The following DNAH12 variants were observed in gnomAD, a reference collection of about 807,000 sequenced individuals.
DNAH12 encodes the protein axonemal beta dynein heavy chain 12.
Under a neutral mutation model 371.5 loss-of-function variants are expected in DNAH12, and 285 were observed. That is an observed-to-expected ratio of 0.77 (90% confidence interval 0.70 to 0.85). The LOEUF is 0.85. Ranked by LOEUF, DNAH12 falls within the 40% of genes least tolerant of loss-of-function variation. The pLI, the probability that DNAH12 is intolerant of heterozygous loss-of-function variation, is 0.00. For missense variants in DNAH12, 3,611 were observed against 3,689.4 expected (o/e 0.98, Z 0.55); for synonymous variants, 1,200 against 1,213.0 (o/e 0.99, Z 0.22).
intron 29 of DNAH12, among the ~76,000 whole-genome samples, chr3:57,442,246 A>G (rs2065331015): frequency 6.6e-6 from 1 of 151,766 alleles, no homozygotes; most frequent in South Asian, 2.1e-4. Context: ...TATCTGCTGG[A>G]AAGAATAAAA....
chr3:57,480,954 G>A (rs2066721548), intron 13 of DNAH12, among the ~76,000 whole-genome samples: 1 of 152,112 alleles, frequency 6.6e-6, no homozygotes, highest in South Asian at 2.1e-4. Flanking sequence ...CAAACCCACA[G>A]CCAATATCAT....
chr3:57,361,376 C>T (rs1411106882), intron 58 of DNAH12, among the ~76,000 whole-genome samples: 1 of 148,460 alleles, frequency 6.7e-6, no homozygotes, highest in East Asian at 2.0e-4. Flanking sequence ...TATATATACA[C>T]ACACTTATAT....
intron 42 of DNAH12, among the ~76,000 whole-genome samples, chr3:57,403,752 A>G (rs184439822): frequency 1.3e-5 from 2 of 152,318 alleles, no homozygotes; most frequent in Non-Finnish European, 2.9e-5. Flanking sequence ...ATACAAATAA[A>G]ATGAAATATT....
intron 4 of DNAH12, among the ~76,000 whole-genome samples, chr3:57,515,139 G>C (rs901597624): frequency 6.6e-6 from 1 of 152,066 alleles, no homozygotes; most frequent in Non-Finnish European, 1.5e-5. Flanking sequence ...GAGAGAGAGA[G>C]AGAGAAATAA....
At chr3:57,519,508 A>G (rs1440782751) in intron 4 of DNAH12, among the ~76,000 whole-genome samples, 1 of 152,196 alleles carries the variant, frequency 6.6e-6, no homozygotes, top group African/African-American at 2.4e-5. Context: ...AAAACTGACA[A>G]AATGCTAAAC....
At chr3:57,430,245 A>G (rs150613417) in intron 32 of DNAH12, among the ~76,000 whole-genome samples, 3,560 of 152,296 alleles carry the variant, frequency 0.023, 64 homozygotes, top group Non-Finnish European at 0.034. Context: ...TTTTTAAAAA[A>G]ACAGTTTAAA....
intron 62 of DNAH12, among the ~76,000 whole-genome samples, chr3:57,324,282 C>T (rs1559553799): frequency 1.3e-5 from 2 of 152,004 alleles, no homozygotes; most frequent in African/African-American, 4.8e-5. Flanking sequence ...ACTTTAGGTC[C>T]CTTTGTTACA....
chr3:57,295,258 C>G (rs1268677352), intron 73 of DNAH12, among the ~76,000 whole-genome samples: 1 of 152,056 alleles, frequency 6.6e-6, no homozygotes, highest in Non-Finnish European at 1.5e-5. Context: ...TCTGTGAACC[C>G]CCTTGTAGAA....
rs553361444 is a variant in DNAH12, at chr3:57,478,272, C to T, written c.1650+5104G>A. On this transcript the variant is annotated intron_variant, in intron 13 of 73. Coordinates refer to ENST00000495027, the MANE Select transcript of DNAH12 (RefSeq NM_001366028.2). The stretch of plus-strand genomic sequence containing the variant: ...AAACCAAGGCACAAGAACTACGTGA[C>T]GAATCCACAAGCCTCAGTAGCCGAT... Among the ~76,000 whole-genome samples the T allele has an allele frequency of 1.2e-3, 190 of 152,142 alleles. 1 individual carries two copies. The highest frequency in any genetic ancestry group is 4.0e-3 in the African/African-American group (166 of 41,494).
Position 57,322,330 on chromosome 3 carries a change from A to G in DNAH12, c.10524+13T>C, listed in dbSNP as rs952112808. The G allele has an allele frequency of 6.5e-7, 1 of 1,540,544 alleles. No homozygotes were observed. The highest frequency in any genetic ancestry group is 1.2e-5 in the South Asian group (1 of 81,870). On this transcript the variant is annotated intron_variant, in intron 65 of 73. Transcript: ENST00000495027. ...TAAAACACATTTTAAAAGTTCCAAA[A>G]GATGAATATTACCAGTTCCTTTCCA...
intron 3 of DNAH12, 37 bp downstream of exon 3, chr3:57,523,766 T>C (rs1015986794): frequency 6.5e-7 from 1 of 1,546,158 alleles, no homozygotes; most frequent in African/African-American, 1.4e-5. Flanking sequence ...TAAAATGATA[T>C]AAGGATAAAC....
At chr3:57,360,364 C>A (rs2062897955) in intron 58 of DNAH12, among the ~76,000 whole-genome samples, 1 of 152,052 alleles carries the variant, frequency 6.6e-6, no homozygotes, top group African/African-American at 2.4e-5. Flanking sequence ...ATAAATCTAT[C>A]CAAAAGGGAA....
At chr3:57,305,068 G>T (rs1482309092) in intron 69 of DNAH12, among the ~76,000 whole-genome samples, 1 of 151,980 alleles carries the variant, frequency 6.6e-6, no homozygotes, top group Non-Finnish European at 1.5e-5. Context: ...ATACAAACTC[G>T]ACAGTGGTTC....
chr3:57,341,133 C>T (rs912933399), intron 60 of DNAH12, among the ~76,000 whole-genome samples: 1 of 150,958 alleles, frequency 6.6e-6, no homozygotes, highest in African/African-American at 2.4e-5. Flanking sequence ...TACCTCAACA[C>T]AATAAAGGCT....
chr3:57,521,503 A>T (rs1487985672), intron 4 of DNAH12, among the ~76,000 whole-genome samples: 2 of 152,190 alleles, frequency 1.3e-5, no homozygotes, highest in African/African-American at 2.4e-5. Context: ...GTCTCTAAAA[A>T]AAAAGAAAAA....
At chr3:57,365,878 T>A (rs991586421) in intron 57 of DNAH12, among the ~76,000 whole-genome samples, 20 of 151,488 alleles carry the variant, frequency 1.3e-4, no homozygotes, top group South Asian at 4.2e-4. Context: ...TATATATATA[T>A]AAATGTATTT....
chr3:57,297,310 A>T (rs2107643048), intron 70 of DNAH12: 1 of 285,628 alleles, frequency 3.5e-6, no homozygotes, highest in East Asian at 7.8e-5. Context: ...GACATCTTAC[A>T]CATTGTCTAA....
Position 57,502,421 on chromosome 3 carries a change from G to A in DNAH12, c.1145C>T (p.Thr382Ile). 6.2e-7 allele frequency: 1 copy of A among 1,614,176 alleles called. No individual in the cohort carries two copies. The highest frequency in any genetic ancestry group is 8.5e-7 in the Non-Finnish European group (1 of 1,180,032). ...SGTSTPVNLD[T>I]ELPEHVLHWA... is the part of the protein sequence containing the mutation. ...GTGTAACACGTGTTCAGGAAGTTCT[G>A]TGTCAAGATTTACTGGTGTTGAAGT... Residue 382 changes from threonine (T) to isoleucine (I), a missense_variant, in exon 10 of 74, where the codon ACA becomes ATA. This residue lies in a region of DNAH12 where 1,314 missense variants were observed against 1,398.7 expected (regional missense o/e 0.94). Coordinates refer to ENST00000495027, the MANE Select transcript of DNAH12 (RefSeq NM_001366028.2).
intron 43 of DNAH12, among the ~76,000 whole-genome samples, chr3:57,396,135 G>A (rs1235656948): frequency 1.6e-4 from 24 of 151,330 alleles, no homozygotes; most frequent in Non-Finnish European, 2.1e-4. Flanking sequence ...AAAATAACCT[G>A]GGCATGGTGG....
Sources: gnomAD v4.1 joint callset for allele counts (sites outside exome capture counted in the v4.1 genomes callset) on GRCh38, gnomAD v4.1.1 for gene constraint, gnomAD v4.1.1 regional missense constraint, MANE v1.5 for transcripts, NCBI Gene and HGNC (gene_info 2026-07-23, HGNC 2026-07-21) for gene names.